Variants in ADIPOR2 observed in about 807,000 individuals in gnomAD.
The protein encoded by ADIPOR2 is adiponectin receptor 2.
In ADIPOR2, 18 loss-of-function variants were observed where a neutral mutation model predicts 40.9. The observed-to-expected ratio is 0.44, with a 90% CI of 0.30 to 0.65. The LOEUF (loss-of-function observed/expected upper bound fraction) is 0.65, where lower values mean the gene tolerates loss of function less well. Among genes scored for constraint, ADIPOR2 ranks in the 30% least tolerant of loss-of-function variants. The pLI is 0.09. For synonymous variants in ADIPOR2, 165 were observed against 166.4 expected, an observed-to-expected ratio of 0.99 and a Z score of 0.06; for missense variants, 283 against 479.2, an observed-to-expected ratio of 0.59 and a Z score of 3.82.
rs1475695397 is a variant in ADIPOR2, at chr12:1,788,417, T to G, written c.*2345T>G. The G allele has an allele frequency of 6.5e-6, 1 of 152,680 alleles. No individual in the cohort carries two copies. The highest frequency in any genetic ancestry group is 1.5e-5 in the Non-Finnish European group (1 of 68,064). The allele number at this position is 152,680 out of a possible 1,614,324, so 9.5% of individuals were successfully genotyped here. On this transcript the variant is annotated 3_prime_UTR_variant, in exon 8 of 8. Transcript: ENST00000357103. ...TCTCAGCAGTCAGAGGCTTGCTTGC[T>G]CTGTGCAGATTTTTAATTTTCTTTT...
At chr12:1,712,091 C>G (rs2094678488) in intron 1 of ADIPOR2, among the ~76,000 whole-genome samples, 1 of 152,112 alleles carries the variant, frequency 6.6e-6, no homozygotes, top group Non-Finnish European at 1.5e-5. Context: ...TATGGCATAA[C>G]CTGCCCTTTG....
intron 2 of ADIPOR2, 94 bp from the exon 3 acceptor site, chr12:1,772,748 A>G: frequency 6.9e-7 from 1 of 1,452,266 alleles, no homozygotes; most frequent in Non-Finnish European, 9.2e-7. Flanking sequence ...TTTTGACCTT[A>G]AGAATTTCAT....
At chr12:1,771,736 A>G (rs972381013) in intron 2 of ADIPOR2, among the ~76,000 whole-genome samples, 1 of 152,184 alleles carries the variant, frequency 6.6e-6, no homozygotes, top group Non-Finnish European at 1.5e-5. Context: ...TAGATTACCC[A>G]TTGCCTCTGT....
intron 1 of ADIPOR2, among the ~76,000 whole-genome samples, chr12:1,742,172 A>T (rs1259570521): frequency 1.3e-5 from 2 of 152,188 alleles, no homozygotes; most frequent in Non-Finnish European, 2.9e-5. Context: ...AGCTGCTTGC[A>T]GCTTTGAACT....
At position 1,773,672 on chromosome 12, in the gene ADIPOR2, T is replaced by A. The variant is rs114779264; in HGVS notation, c.291+711T>A. 3.7e-3 allele frequency among the ~76,000 whole-genome samples: 562 copies of A among 152,280 alleles called. 2 individuals carry two copies. Among genetic ancestry groups the A allele is most frequent in the African/African-American group, 0.013 (532 of 41,552 alleles). ...ATTAATGTAAGTCGATCAGTCTGTGTGTATACGTATGTGTATGTAAATTGA... is the reference window on the plus strand; with the variant it reads ...ATTAATGTAAGTCGATCAGTCTGTGAGTATACGTATGTGTATGTAAATTGA... On this transcript the variant is annotated intron_variant, in intron 3 of 7. Transcript: ENST00000357103.
intron 1 of ADIPOR2, among the ~76,000 whole-genome samples, chr12:1,710,152 A>G (rs1313881450): frequency 6.6e-6 from 1 of 152,162 alleles, no homozygotes; most frequent in East Asian, 1.9e-4. Flanking sequence ...AAATGGACCA[A>G]TCAGTGCTTT....
intron 1 of ADIPOR2, among the ~76,000 whole-genome samples, chr12:1,717,586 T>C (rs1489864079): frequency 6.6e-6 from 1 of 152,026 alleles, no homozygotes; most frequent in Non-Finnish European, 1.5e-5. Flanking sequence ...ATGCCTGTAA[T>C]CCCAGCTACT....
At chr12:1,779,302 T>C (rs1193828248) in intron 4 of ADIPOR2, among the ~76,000 whole-genome samples, 1 of 152,116 alleles carries the variant, frequency 6.6e-6, no homozygotes, top group Non-Finnish European at 1.5e-5. Context: ...AGAAACAAAA[T>C]ATGGTGTATT....
chr12:1,736,279 A>T (rs1324570986), intron 1 of ADIPOR2, among the ~76,000 whole-genome samples: 1 of 152,050 alleles, frequency 6.6e-6, no homozygotes, highest in Non-Finnish European at 1.5e-5. Context: ...AGAGCCTGTT[A>T]TTGGTTTATT....
intron 1 of ADIPOR2, chr12:1,696,113 T>A (rs889008583): frequency 3.8e-5 from 6 of 156,586 alleles, no homozygotes; most frequent in African/African-American, 1.4e-4. Flanking sequence ...TTAGAAAAAA[T>A]TACTTGCTCC....
Position 1,749,296 on chromosome 12 carries a change from A to AC in ADIPOR2, c.-86-4958dup, listed in dbSNP as rs533925989. On this transcript the variant is annotated intron_variant, in intron 1 of 7. Transcript: ENST00000357103. ...GAAGCTTCATGACATCAACATTCCTACCCCAAGGGCATAGATGGGACCCTA... is the reference window on the plus strand; with the variant it reads ...GAAGCTTCATGACATCAACATTCCTACCCCCAAGGGCATAGATGGGACCCTA... Among the ~76,000 whole-genome samples the AC allele has an allele frequency of 2.1e-3, 321 of 152,120 alleles. 1 individual carries two copies. The highest frequency in any genetic ancestry group is 6.9e-3 in the African/African-American group (287 of 41,488).
intron 1 of ADIPOR2, among the ~76,000 whole-genome samples, chr12:1,722,134 T>C (rs11061947): frequency 0.054 from 8,255 of 152,200 alleles, 348 homozygotes; most frequent in East Asian, 0.18. Flanking sequence ...TGTATTAGTA[T>C]AGGTGAGAGG....
intron 1 of ADIPOR2, among the ~76,000 whole-genome samples, chr12:1,744,838 T>A (rs1343059744): frequency 1.3e-5 from 2 of 152,254 alleles, no homozygotes; most frequent in Admixed American, 1.3e-4. Flanking sequence ...AACTTTATTC[T>A]CAATATAAGC....
At chr12:1,782,454 C>T (rs1315652021) in intron 6 of ADIPOR2, among the ~76,000 whole-genome samples, 1 of 152,200 alleles carries the variant, frequency 6.6e-6, no homozygotes, top group Admixed American at 6.5e-5. Flanking sequence ...CAGGGAGCTC[C>T]TGTGTTGCTT....
At chr12:1,782,972 CTTTCTTTTTTTTTTTT>C (rs1425179974) in intron 6 of ADIPOR2, among the ~76,000 whole-genome samples, 9 of 98,262 alleles carry the variant, frequency 9.2e-5, no homozygotes, top group African/African-American at 2.6e-4. Flanking sequence ...TTCTTTCTTT[CTTTCTTTTTTTTTTTT>C]TTTTTTTTTT....
intron 1 of ADIPOR2, among the ~76,000 whole-genome samples, chr12:1,740,391 G>A (rs529717704): frequency 6.6e-6 from 1 of 152,216 alleles, no homozygotes; most frequent in East Asian, 1.9e-4. Context: ...CCTCTCCTTG[G>A]CTTGCAATTG....
At chr12:1,722,219 TCAA>T (rs2094699312) in intron 1 of ADIPOR2, among the ~76,000 whole-genome samples, 1 of 152,166 alleles carries the variant, frequency 6.6e-6, no homozygotes, top group African/African-American at 2.4e-5. Context: ...GAAGATTGAA[TCAA>T]CAGGACTTGC....
At chr12:1,779,234 C>T (rs1234435744) in intron 4 of ADIPOR2, among the ~76,000 whole-genome samples, 2 of 152,172 alleles carry the variant, frequency 1.3e-5, no homozygotes, top group African/African-American at 4.8e-5. Context: ...TTTGCAGCAA[C>T]ATTATTCATA....
intron 4 of ADIPOR2, among the ~76,000 whole-genome samples, chr12:1,778,833 A>G (rs1862654649): frequency 6.6e-6 from 1 of 152,226 alleles, no homozygotes; most frequent in African/African-American, 2.4e-5. Context: ...AACAATAAAG[A>G]CAACCGATTT....
Sources: allele counts gnomAD v4.1 joint callset (sites outside exome capture counted in the v4.1 genomes callset), GRCh38; gene constraint gnomAD v4.1.1; transcripts MANE v1.5; gene names NCBI Gene and HGNC (gene_info 2026-07-23, HGNC 2026-07-21).